Variants in ROBO2 observed in about 807,000 individuals in gnomAD.
The protein encoded by ROBO2 is roundabout homolog 2.
Under a neutral mutation model 160.8 loss-of-function variants are expected in ROBO2, and 53 were observed. The ratio of observed to expected loss-of-function variants is 0.33; its 90% confidence interval spans 0.26 to 0.41. The LOEUF is 0.41. ROBO2 is among the 10% of genes least tolerant of loss of function. The pLI, the probability that ROBO2 is intolerant of heterozygous loss-of-function variation, is 1.00. For missense variants in ROBO2, 1,577 were observed against 1,722.4 expected, an observed-to-expected ratio of 0.92 and a Z score of 1.49; for synonymous variants, 664 against 611.7, an observed-to-expected ratio of 1.09 and a Z score of -1.26.
intron 2 of ROBO2, among the ~76,000 whole-genome samples, chr3:77,154,667 A>G (rs2077832891): frequency 6.6e-6 from 1 of 152,082 alleles, no homozygotes; most frequent in Non-Finnish European, 1.5e-5. Flanking sequence ...TGGTGCATGT[A>G]TGCCATGAAA....
At chr3:77,458,283 T>C (rs571682192) in intron 2 of ROBO2, among the ~76,000 whole-genome samples, 2 of 152,310 alleles carry the variant, frequency 1.3e-5, no homozygotes, top group South Asian at 2.1e-4. Context: ...GTACTTGCAA[T>C]TGCAGAAAAT....
intron 2 of ROBO2, among the ~76,000 whole-genome samples, chr3:76,498,272 T>G (rs913870359): frequency 6.6e-6 from 1 of 152,200 alleles, no homozygotes; most frequent in Non-Finnish European, 1.5e-5. Flanking sequence ...GGCATTACAA[T>G]GTATTTGAGT....
At chr3:76,537,146 G>C (rs1450172066) in intron 2 of ROBO2, among the ~76,000 whole-genome samples, 2 of 152,052 alleles carry the variant, frequency 1.3e-5, no homozygotes, top group African/African-American at 2.4e-5. Flanking sequence ...GGACTCTGAG[G>C]TTGGGGTAGA....
At chr3:77,153,168 T>C (rs78400099) in intron 2 of ROBO2, among the ~76,000 whole-genome samples, 8,677 of 152,234 alleles carry the variant, frequency 0.057, 352 homozygotes, top group African/African-American at 0.1. Flanking sequence ...GAAGAATTTG[T>C]GTTAAATCTC....
At chr3:77,149,479 T>C (rs1257205019) in intron 2 of ROBO2, among the ~76,000 whole-genome samples, 1 of 152,178 alleles carries the variant, frequency 6.6e-6, no homozygotes, top group Non-Finnish European at 1.5e-5. Context: ...CTTAGAAAAG[T>C]CAACTTGCAA....
intron 2 of ROBO2, among the ~76,000 whole-genome samples, chr3:76,208,809 G>A (rs931724837): frequency 1.3e-5 from 2 of 152,006 alleles, no homozygotes; most frequent in African/African-American, 4.8e-5. Flanking sequence ...ATAATGGCAC[G>A]GACATCTACC....
At chr3:76,410,852 T>G (rs1217590527) in intron 2 of ROBO2, among the ~76,000 whole-genome samples, 1 of 152,156 alleles carries the variant, frequency 6.6e-6, no homozygotes, top group East Asian at 1.9e-4. Context: ...ATGTGTGGAA[T>G]GTGATGTTTC....
intron 2 of ROBO2, among the ~76,000 whole-genome samples, chr3:77,471,253 T>A (rs914303346): frequency 1.3e-5 from 2 of 152,206 alleles, no homozygotes; most frequent in Non-Finnish European, 2.9e-5. Context: ...TAAAAAAAAA[T>A]TCTAAGAACT....
intron 6 of ROBO2, chr3:77,538,889 A>T: frequency 2.0e-6 from 1 of 491,220 alleles, no homozygotes; most frequent in Non-Finnish European, 4.1e-6. Context: ...CAAGCCTATT[A>T]ACTAATTTTT....
At chr3:77,355,350 C>A in intron 2 of ROBO2, among the ~76,000 whole-genome samples, 1 of 152,300 alleles carries the variant, frequency 6.6e-6, no homozygotes, top group African/African-American at 2.4e-5. Flanking sequence ...TTGCACTTAG[C>A]AAAATGCATT....
chr3:76,902,349 T>C (rs1366747884), intron 2 of ROBO2, among the ~76,000 whole-genome samples: 1 of 152,062 alleles, frequency 6.6e-6, no homozygotes, highest in Non-Finnish European at 1.5e-5. Flanking sequence ...CAATGCTATG[T>C]AAGTTTATTA....
chr3:77,041,294 C>T (rs971977943), intron 1 of ROBO2, among the ~76,000 whole-genome samples: 1 of 152,220 alleles, frequency 6.6e-6, no homozygotes, highest in South Asian at 2.1e-4. Context: ...GAATTTGAGA[C>T]TGAGATCAAT....
Position 77,531,841 on chromosome 3 carries a change from C to G in ROBO2, c.934+8939C>G, listed in dbSNP as rs556876136. 1.5e-4 allele frequency among the ~76,000 whole-genome samples: 23 copies of G among 152,158 alleles called. No individual in the cohort carries two copies. The East Asian group carries it at 3.1e-3, about 21-fold the overall frequency. On this transcript the variant is annotated intron_variant, in intron 6 of 25. Transcript: ENST00000461745. The stretch of plus-strand genomic sequence containing the variant: ...GTTTCTTGCATCCCTTTTCTTTGGA[C>G]AAGCTGTTACCCCATGACCTGAGGT...
intron 2 of ROBO2, among the ~76,000 whole-genome samples, chr3:76,016,988 A>G (rs1204189108): frequency 4.6e-5 from 7 of 152,152 alleles, no homozygotes; most frequent in Non-Finnish European, 7.4e-5. Flanking sequence ...CATCAGTTAC[A>G]TGAGGTTTCA....
At chr3:77,006,441 A>G (rs2061585665) in intron 2 of ROBO2, among the ~76,000 whole-genome samples, 1 of 151,838 alleles carries the variant, frequency 6.6e-6, no homozygotes, top group Non-Finnish European at 1.5e-5. Flanking sequence ...TAAGAGAAAA[A>G]CCACAGCAAA....
rs188523329 is a variant in ROBO2 at position 76,998,826 on chromosome 3, G to C, written c.110-99188G>C. 2.1e-3 allele frequency among the ~76,000 whole-genome samples: 321 copies of C among 152,204 alleles called. 1 individual carries two copies. Among genetic ancestry groups the C allele is most frequent in the African/African-American group, 7.4e-3 (307 of 41,548 alleles). On this transcript the variant is annotated intron_variant, in intron 2 of 26. Transcript: ENST00000487694. ...ACCTTCTCACACACACTGCAGACAG[G>C]CTTGCCAAGTATATTGAGGGTGTAA...
At chr3:76,448,123 T>C (rs2077293442) in intron 2 of ROBO2, among the ~76,000 whole-genome samples, 1 of 151,848 alleles carries the variant, frequency 6.6e-6, no homozygotes, top group Admixed American at 6.6e-5. Flanking sequence ...AAAAATATTC[T>C]CCTTTATTTT....
intron 2 of ROBO2, among the ~76,000 whole-genome samples, chr3:76,988,632 A>C (rs1200043686): frequency 7.3e-5 from 11 of 151,546 alleles, no homozygotes; most frequent in Non-Finnish European, 1.5e-4. Flanking sequence ...CTTTATTTCC[A>C]CTTCAATTTG....
intron 2 of ROBO2, among the ~76,000 whole-genome samples, chr3:77,320,039 T>G (rs2064508974): frequency 6.6e-6 from 1 of 152,216 alleles, no homozygotes; most frequent in South Asian, 2.1e-4. Flanking sequence ...TGAATTCACC[T>G]GTTCAAATCA....
Sources: gnomAD v4.1 joint callset for allele counts (sites outside exome capture counted in the v4.1 genomes callset) on GRCh38, gnomAD v4.1.1 for gene constraint, MANE v1.5 for transcripts, NCBI Gene and HGNC (gene_info 2026-07-23, HGNC 2026-07-21) for gene names.